The following TMEM132D variants were observed in gnomAD, a reference collection of about 807,000 sequenced individuals.
The protein encoded by TMEM132D is transmembrane protein 132D.
A neutral mutation model predicts 62.3 loss-of-function variants in TMEM132D; 21 were observed. The observed-to-expected ratio is 0.34, with a 90% CI of 0.24 to 0.49. The LOEUF is 0.49. Among genes scored for constraint, TMEM132D ranks in the 20% least tolerant of loss-of-function variants. TMEM132D has a pLI of 0.99. For missense variants in TMEM132D, 1,346 were observed against 1,402.8 expected (o/e 0.96, Z 0.65); for synonymous variants, 621 against 575.6 (o/e 1.08, Z -1.13).
rs147147342 is a variant in TMEM132D at position 129,273,655 on chromosome 12, T to C, written c.1299+63979A>G. Reference sequence around the variant, plus strand: ...GCTGGAGGTCATTATCCTAAGCCAATTAATGCATGAACGAAAAACCAGTTA... The same window carrying C: ...GCTGGAGGTCATTATCCTAAGCCAACTAATGCATGAACGAAAAACCAGTTA... On this transcript the variant is annotated intron_variant, in intron 4 of 8. Transcript: ENST00000422113. 9.9e-4 allele frequency among the ~76,000 whole-genome samples: 151 copies of C among 151,898 alleles called. 1 individual carries two copies. In the East Asian group the frequency reaches 0.029, roughly 29 times the overall value.
At chr12:129,466,279 CTTTTTTTTTTTTTTT>C (rs551019541) in intron 3 of TMEM132D, among the ~76,000 whole-genome samples, 2,190 of 98,022 alleles carry the variant, frequency 0.022, 17 homozygotes, top group Non-Finnish European at 0.028. Context: ...TAGATTTTTC[CTTTTTTTTTTTTTTT>C]TTTTTTTTTT....
intron 2 of TMEM132D, among the ~76,000 whole-genome samples, chr12:129,594,756 T>C (rs1331301506): frequency 6.6e-6 from 1 of 152,160 alleles, no homozygotes; most frequent in East Asian, 1.9e-4. Flanking sequence ...AGCAGGAGTG[T>C]TGCCTCCCTA....
intron 2 of TMEM132D, among the ~76,000 whole-genome samples, chr12:129,699,081 T>C (rs75885771): frequency 6.6e-6 from 1 of 152,188 alleles, no homozygotes; most frequent in African/African-American, 2.4e-5. Context: ...CTTGCCTGTG[T>C]TGAAAATAAA....
intron 2 of TMEM132D, among the ~76,000 whole-genome samples, chr12:129,590,213 C>T (rs1374994653): frequency 6.6e-6 from 1 of 152,122 alleles, no homozygotes; most frequent in Non-Finnish European, 1.5e-5. Context: ...CTCCAGGTGC[C>T]GTCTCATTTG....
At chr12:129,645,272 C>T (rs923718264) in intron 2 of TMEM132D, among the ~76,000 whole-genome samples, 1 of 152,146 alleles carries the variant, frequency 6.6e-6, no homozygotes, top group African/African-American at 2.4e-5. Context: ...CTAGCCAGGC[C>T]TTTTCCTTTC....
intron 3 of TMEM132D, among the ~76,000 whole-genome samples, chr12:129,472,315 T>C (rs1275443129): frequency 6.6e-6 from 1 of 152,146 alleles, no homozygotes; most frequent in Non-Finnish European, 1.5e-5. Context: ...ACTATCATCC[T>C]CAGCAAACTA....
intron 5 of TMEM132D, among the ~76,000 whole-genome samples, chr12:129,129,414 C>A (rs553426180): frequency 6.6e-6 from 1 of 152,228 alleles, no homozygotes; most frequent in African/African-American, 2.4e-5. Flanking sequence ...TTGGTTGATC[C>A]CATGTCTGCT....
At chr12:129,527,263 C>A (rs142989799) in intron 3 of TMEM132D, among the ~76,000 whole-genome samples, 1 of 152,224 alleles carries the variant, frequency 6.6e-6, no homozygotes, top group East Asian at 1.9e-4. Flanking sequence ...GAGCCAAGAT[C>A]GCACCACTGC....
chr12:129,660,497 A>T (rs954822652), intron 2 of TMEM132D, among the ~76,000 whole-genome samples: 6 of 152,086 alleles, frequency 3.9e-5, no homozygotes, highest in Non-Finnish European at 8.8e-5. Flanking sequence ...TGTCACGTCC[A>T]ATGTTGTCTG....
At chr12:129,780,151 C>A (rs1274333086) in intron 1 of TMEM132D, among the ~76,000 whole-genome samples, 1 of 152,080 alleles carries the variant, frequency 6.6e-6, no homozygotes, top group Non-Finnish European at 1.5e-5. Flanking sequence ...CCATCCAAGC[C>A]CGAGCACCGG....
intron 2 of TMEM132D, among the ~76,000 whole-genome samples, chr12:129,646,800 A>AT (rs35593697): frequency 0.035 from 4,689 of 135,720 alleles, 262 homozygotes; most frequent in African/African-American, 0.12. Flanking sequence ...AATAACATGC[A>AT]TTTTTTTTTT....
intron 3 of TMEM132D, among the ~76,000 whole-genome samples, chr12:129,348,760 G>A (rs1382588610): frequency 1.3e-5 from 2 of 152,032 alleles, no homozygotes; most frequent in African/African-American, 4.8e-5. Flanking sequence ...ATTGGGAGAG[G>A]GATTGCCCAG....
intron 5 of TMEM132D, among the ~76,000 whole-genome samples, chr12:129,139,857 T>G (rs547068123): frequency 6.6e-6 from 1 of 151,954 alleles, no homozygotes; most frequent in African/African-American, 2.4e-5. Context: ...ACTACAGGCA[T>G]GTGCCACCAT....
chr12:129,831,876 C>CTTTTTTTTTTTTTTTTTTT (rs71085576), intron 1 of TMEM132D, among the ~76,000 whole-genome samples: 1 of 134,898 alleles, frequency 7.4e-6, no homozygotes, highest in Non-Finnish European at 1.5e-5. Flanking sequence ...CTTTCTTTTT[C>CTTTTTTTTTTTTTTTTTTT]TTTTTTTTTT....
intron 3 of TMEM132D, among the ~76,000 whole-genome samples, chr12:129,429,881 C>T (rs997227357): frequency 6.6e-6 from 1 of 151,828 alleles, no homozygotes; most frequent in Non-Finnish European, 1.5e-5. Flanking sequence ...TGGTTTCCAG[C>T]TTCATCCATG....
At chr12:129,733,285 C>T (rs1053560521) in intron 1 of TMEM132D, among the ~76,000 whole-genome samples, 1 of 152,260 alleles carries the variant, frequency 6.6e-6, no homozygotes, top group South Asian at 2.1e-4. Flanking sequence ...AAGATTTGCC[C>T]TTAGCCTGTA....
intron 1 of TMEM132D, among the ~76,000 whole-genome samples, chr12:129,758,826 C>A (rs957387392): frequency 6.6e-6 from 1 of 152,036 alleles, no homozygotes; most frequent in African/African-American, 2.4e-5. Flanking sequence ...TGTATAATGT[C>A]CTAGCCTCAA....
At position 129,802,808 on chromosome 12, in the gene TMEM132D, G is replaced by C. The variant is rs918566842; in HGVS notation, c.79+100453C>G. Among the ~76,000 whole-genome samples, 431 of 151,400 alleles carry C rather than the reference G, an allele frequency of 2.8e-3. 1 individual carries two copies. Among genetic ancestry groups the C allele is most frequent in the Middle Eastern group, 6.9e-3 (2 of 290 alleles). On this transcript the variant is annotated intron_variant, in intron 1 of 8. Coordinates refer to ENST00000422113, the MANE Select transcript of TMEM132D (RefSeq NM_133448.3). The stretch of plus-strand genomic sequence containing the variant: ...TCAGGAAACCCATCTCACGTGCAGA[G>C]ACACACATAGGCTCAAAATAAAAGG...
intron 4 of TMEM132D, among the ~76,000 whole-genome samples, chr12:129,300,470 T>G (rs1263020331): frequency 1.3e-5 from 2 of 152,230 alleles, no homozygotes; most frequent in Non-Finnish European, 2.9e-5. Flanking sequence ...TGTTAAGGTT[T>G]TTGCTATGGA....
Sources: gnomAD v4.1 joint callset for allele counts (sites outside exome capture counted in the v4.1 genomes callset) on GRCh38, gnomAD v4.1.1 for gene constraint, MANE v1.5 for transcripts, NCBI Gene and HGNC (gene_info 2026-07-23, HGNC 2026-07-21) for gene names.